Variants in CD180 observed in about 807,000 individuals in gnomAD.
CD180 encodes the protein CD180 molecule.
CD180 carries 11 observed loss-of-function variants against 10.7 expected under a neutral mutation model. The observed-to-expected ratio is 1.03, with a 90% CI of 0.65 to 1.70. The LOEUF is 1.70. CD180 is among the 40% of genes most tolerant of loss of function. CD180 has a pLI of 0.00. For missense variants in CD180, 729 were observed against 775.2 expected (o/e 0.94, Z 0.71); for synonymous variants, 286 against 294.6 (o/e 0.97, Z 0.30).
Position 67,183,572 on chromosome 5 carries a change from A to C in CD180, c.1271T>G (p.Leu424Arg). ...QAFKECPQLE[L>R]LDLAFTRLHI... ...TAAGCGGGTAAATGCCAAATCGAGG[A>C]GTTCTAGCTGAGGACATTCTTTGAA... The change falls in exon 3 of 3, where the codon CTC (leucine) becomes CGC (arginine). Residue 424 changes from leucine (L) to arginine (R), a missense_variant. Transcript: ENST00000256447. 1 of 1,614,178 alleles carries C rather than the reference A, an allele frequency of 6.2e-7. No individual in the cohort carries two copies. Among genetic ancestry groups the C allele is most frequent in the Non-Finnish European group, 8.5e-7 (1 of 1,180,024 alleles).
rs749225234 is a variant in CD180 at position 67,184,321 on chromosome 5, A to G, written c.522T>C (p.Asn174=). Residue 174 remains asparagine (N), a synonymous_variant, in exon 3 of 3, where the codon AAT becomes AAC. Coordinates refer to ENST00000256447, the MANE Select transcript of CD180 (RefSeq NM_005582.3). ...TATTCTGAAAATCCAGTACTTTCAGATTCCGTGCTGGGAAGTCTTTGGGGA... is the reference window on the plus strand; with the variant it reads ...TATTCTGAAAATCCAGTACTTTCAGGTTCCGTGCTGGGAAGTCTTTGGGGA... The part of the protein sequence containing the change: ...IKFPKDFPAR[N]LKVLDFQNNA... 6.2e-7 allele frequency: 1 copy of G among 1,614,172 alleles called. No individual in the cohort carries two copies. Among genetic ancestry groups the G allele is most frequent in the South Asian group, 1.1e-5 (1 of 91,086 alleles).
rs142324076 is a variant in CD180, at chr5:67,184,223, T to C, written c.620A>G (p.Asn207Ser). Residue 207 changes from asparagine (N) to serine (S), a missense_variant, in exon 3 of 3, where the codon AAT becomes AGT. By Grantham distance (46) the Asn-to-Ser change is conservative (BLOSUM62 1). Coordinates refer to ENST00000256447, the MANE Select transcript of CD180 (RefSeq NM_005582.3). ...CTCAATACCTTTAACATTATTGCCA[T>C]TGAAGTTCAGGCTTAGGTTGATGGC... Reference protein sequence around the residue: ...EQAINLSLNFNGNNVKGIELG... With the variant: ...EQAINLSLNFSGNNVKGIELG... 6.7e-4 allele frequency: 1,083 copies of C among 1,614,178 alleles called. 5 individuals are homozygous for C. In the East Asian group the frequency reaches 0.012, roughly 18 times the overall value.
At position 67,183,278 on chromosome 5, in the gene CD180, A is replaced by ATTT; in HGVS notation, c.1562_1564dup (p.Lys521dup). 6.2e-7 allele frequency: 1 copy of ATTT among 1,614,146 alleles called. No homozygotes were observed. Among genetic ancestry groups the ATTT allele is most frequent in the African/African-American group, 1.3e-5 (1 of 75,050 alleles). On this transcript the variant is annotated inframe_insertion, in exon 3 of 3. Transcript: ENST00000256447. Reference sequence around the variant, plus strand: ...GTTGTGGCTTAAGTCTACATGGCTCATTTTTCCCAAGCTGTGGAATGCTTG... The same window carrying ATTT: ...GTTGTGGCTTAAGTCTACATGGCTCATTTTTTTTCCCAAGCTGTGGAATGCTTG...
At chr5:67,188,146 G>T (rs1456533050) in intron 1 of CD180, among the ~76,000 whole-genome samples, 3 of 150,694 alleles carry the variant, frequency 2.0e-5, no homozygotes, top group East Asian at 1.9e-4. Flanking sequence ...CTCCAGCCTG[G>T]CCACAGAGTG....
In CD180 at chr5:67,179,974, A is replaced by C. The variant is rs1438878664; in HGVS notation, c.*2883T>G. On this transcript the variant is annotated 3_prime_UTR_variant, in exon 3 of 3. Coordinates refer to ENST00000256447, the MANE Select transcript of CD180 (RefSeq NM_005582.3). ...TCAGAGCAGCAACAACATGCAATAC[A>C]TAAAACCAATAAACACACCATGTTA... 3.3e-5 allele frequency: 5 copies of C among 152,276 alleles called. No homozygotes were observed. The highest frequency in any genetic ancestry group is 1.2e-4 in the African/African-American group (5 of 41,478). 9.4% of individuals were successfully genotyped at this position (152,276 alleles called of 1,614,324 possible). A position where few individuals can be genotyped will look rare whatever the true frequency, so the allele number is the denominator to read the frequency against.
rs891808763 is a variant in CD180, at chr5:67,183,170, A to G, written c.1673T>C (p.Ile558Thr). The change falls in exon 3 of 3, where the codon ATC (isoleucine) becomes ACC (threonine). Residue 558 changes from isoleucine to threonine, a missense_variant. Coordinates refer to ENST00000256447, the MANE Select transcript of CD180 (RefSeq NM_005582.3). ...CAAGATAGGGAGGAGACGGGGTGAGATGATGTTAATGCTGTTGGCAGCCAG... is the reference window on the plus strand; with the variant it reads ...CAAGATAGGGAGGAGACGGGGTGAGGTGATGTTAATGCTGTTGGCAGCCAG... ...LNLAANSINI[I>T]SPRLLPILSQ... 4 of 1,611,414 alleles carry G rather than the reference A, an allele frequency of 2.5e-6. No individual in the cohort carries two copies. The Admixed American group carries it at 5.0e-5, about 20-fold the overall frequency.
In CD180 at chr5:67,185,991, A is replaced by G; in HGVS notation, c.117T>C (p.Cys39=). 3.1e-6 allele frequency: 5 copies of G among 1,601,764 alleles called. No individual in the cohort carries two copies. The highest frequency in any genetic ancestry group is 4.3e-6 in the Non-Finnish European group (5 of 1,174,548). ...GGATTTCACTGAGACCTAAATTTTC[A>G]CAGTTATATGTTTTGTTGGCTTCTT... The part of the protein sequence containing the change: ...IEKEANKTYN[C]ENLGLSEIPD... The change falls in exon 2 of 3, where the codon TGT becomes TGC. Residue 39 remains cysteine, a synonymous_variant. Coordinates refer to ENST00000256447, the MANE Select transcript of CD180 (RefSeq NM_005582.3).
In CD180 at chr5:67,183,388, A is replaced by G; in HGVS notation, c.1455T>C (p.Thr485=). Residue 485 remains threonine (T), a synonymous_variant, in exon 3 of 3, where the codon ACT becomes ACC. Coordinates refer to ENST00000256447, the MANE Select transcript of CD180 (RefSeq NM_005582.3). ...TCTGAAGTAGGTTGGTCTTCGTGATAGTCCCATCTTGAAAGTGATTCCCTT... is the reference window on the plus strand; with the variant it reads ...TCTGAAGTAGGTTGGTCTTCGTGATGGTCCCATCTTGAAAGTGATTCCCTT... ...NLKGNHFQDG[T]ITKTNLLQTV... is the part of the protein sequence containing the mutation. The G allele has an allele frequency of 1.2e-6, 2 of 1,614,228 alleles. No homozygotes were observed. The highest frequency in any genetic ancestry group is 1.3e-5 in the African/African-American group (1 of 75,058).
At chr5:67,189,682 G>A (rs892758897) in intron 1 of CD180, among the ~76,000 whole-genome samples, 1 of 152,066 alleles carries the variant, frequency 6.6e-6, no homozygotes, top group African/African-American at 2.4e-5. Flanking sequence ...CGATGATAGA[G>A]GCACCAAAGC....
Position 67,183,178 on chromosome 5 carries a change from A to G in CD180, c.1665T>C (p.Ile555=), listed in dbSNP as rs145263618. ...GGAGGAGACGGGGTGAGATGATGTT[A>G]ATGCTGTTGGCAGCCAGATTGAGGT... ...GIYLNLAANS[I]NIISPRLLPI... Residue 555 remains isoleucine (I), a synonymous_variant, in exon 3 of 3, where the codon ATT becomes ATC. Coordinates refer to ENST00000256447, the MANE Select transcript of CD180 (RefSeq NM_005582.3). 1.2e-6 allele frequency: 2 copies of G among 1,611,498 alleles called. No homozygotes were observed. The highest frequency in any genetic ancestry group is 1.7e-6 in the Non-Finnish European group (2 of 1,178,210).
rs1282147324 is a variant in CD180 at position 67,182,126 on chromosome 5, GT to G, written c.*730del. 2 of 152,114 alleles carry G rather than the reference GT, an allele frequency of 1.3e-5. No individual in the cohort carries two copies. The highest frequency in any genetic ancestry group is 2.9e-5 in the Non-Finnish European group (2 of 68,028). The allele number at this position is 152,114 out of a possible 1,614,324, so 9.4% of individuals were successfully genotyped here. A position where few individuals can be genotyped will look rare whatever the true frequency, so the allele number is the denominator to read the frequency against. On this transcript the variant is annotated 3_prime_UTR_variant, in exon 3 of 3. Coordinates refer to ENST00000256447, the MANE Select transcript of CD180 (RefSeq NM_005582.3). ...CAGATAGGCAGAGAGAGCCTGCCTG[GT>G]TTCTGAACTGAGTGAGGCAAATGTG...
chr5:67,190,961 A>G (rs1742293350), intron 1 of CD180: 1 of 985,262 alleles, frequency 1.0e-6, no homozygotes, highest in Non-Finnish European at 1.2e-6. Context: ...TCTGCGCTTG[A>G]CACACGCAGC....
In CD180 at chr5:67,184,381, C is replaced by A. The variant is rs886697074; in HGVS notation, c.462G>T (p.Leu154Phe). The A allele has an allele frequency of 1.2e-6, 2 of 1,613,652 alleles. No individual in the cohort carries two copies. The highest frequency in any genetic ancestry group is 1.7e-6 in the Non-Finnish European group (2 of 1,179,668). Residue 154 changes from leucine (L) to phenylalanine (F), a missense_variant, in exon 3 of 3, where the codon TTG becomes TTT. Transcript: ENST00000256447. ...AGGAAATATGGTTGCTTCCAAGATA[C>A]AAGCTTTCCAAGTTTTCCAGATTGT... Reference protein sequence around the residue: ...PVHNLENLESLYLGSNHISSI... With the variant: ...PVHNLENLESFYLGSNHISSI...
In CD180 at chr5:67,182,204, C is replaced by T. The variant is rs1258880052; in HGVS notation, c.*653G>A. 1 of 152,148 alleles carries T rather than the reference C, an allele frequency of 6.6e-6. No homozygotes were observed. The highest frequency in any genetic ancestry group is 2.4e-5 in the African/African-American group (1 of 41,416). The allele number at this position is 152,148 out of a possible 1,614,324, so 9.4% of individuals were successfully genotyped here. ...GTTCTATTTTTTATAGCCATTCACA[C>T]CCTAGGGGCATTACAGAGACCTTAC... is the stretch of plus-strand genomic sequence containing the variant. On this transcript the variant is annotated 3_prime_UTR_variant, in exon 3 of 3. Coordinates refer to ENST00000256447, the MANE Select transcript of CD180 (RefSeq NM_005582.3).
At position 67,182,843 on chromosome 5, in the gene CD180, G is replaced by C. The variant is rs1742076098; in HGVS notation, c.*14C>G. 1 of 1,568,420 alleles carries C rather than the reference G, an allele frequency of 6.4e-7. No homozygotes were observed. The highest frequency in any genetic ancestry group is 8.6e-7 in the Non-Finnish European group (1 of 1,158,222). ...CTAAGCACACTTATTTGCTTTCTCTGGAAACCTTCAGCACTAAATGTGTTG... is the reference window on the plus strand; with the variant it reads ...CTAAGCACACTTATTTGCTTTCTCTCGAAACCTTCAGCACTAAATGTGTTG... On this transcript the variant is annotated 3_prime_UTR_variant, in exon 3 of 3. Coordinates refer to ENST00000256447, the MANE Select transcript of CD180 (RefSeq NM_005582.3).
At chr5:67,189,859 G>A (rs1229990820) in intron 1 of CD180, among the ~76,000 whole-genome samples, 2 of 152,042 alleles carry the variant, frequency 1.3e-5, no homozygotes, top group South Asian at 2.1e-4. Context: ...ATACACCAAT[G>A]TTTATATATC....
Position 67,184,444 on chromosome 5 carries a change from G to C in CD180, c.399C>G (p.Ile133Met). ...GPKSLKHLFLIQTGISNLEFI... is the reference protein window; with the variant it reads ...GPKSLKHLFLMQTGISNLEFI... ...ACTCGAGATTGGATATTCCCGTTTGGATTAAGAAAAGATGCTTCAGTGACT... is the reference window on the plus strand; with the variant it reads ...ACTCGAGATTGGATATTCCCGTTTGCATTAAGAAAAGATGCTTCAGTGACT... The change falls in exon 3 of 3, where the codon ATC (isoleucine) becomes ATG (methionine). Residue 133 changes from isoleucine (I) to methionine (M), a missense_variant. Ile to Met is a conservative substitution (Grantham distance 10). Transcript: ENST00000256447. 6.2e-7 allele frequency: 1 copy of C among 1,614,114 alleles called. No homozygotes were observed. Among genetic ancestry groups the C allele is most frequent in the Non-Finnish European group, 8.5e-7 (1 of 1,180,002 alleles).
In CD180 at chr5:67,182,130, C is replaced by A. The variant is rs1742059409; in HGVS notation, c.*727G>T. The A allele has an allele frequency of 6.6e-6, 1 of 152,098 alleles. No homozygotes were observed. The highest frequency in any genetic ancestry group is 1.5e-5 in the Non-Finnish European group (1 of 68,026). 9.4% of individuals were successfully genotyped at this position (152,098 alleles called of 1,614,324 possible). A position where few individuals can be genotyped will look rare whatever the true frequency, so the allele number is the denominator to read the frequency against. Reference sequence around the variant, plus strand: ...TAGGCAGAGAGAGCCTGCCTGGTTTCTGAACTGAGTGAGGCAAATGTGGAA... The same window carrying A: ...TAGGCAGAGAGAGCCTGCCTGGTTTATGAACTGAGTGAGGCAAATGTGGAA... On this transcript the variant is annotated 3_prime_UTR_variant, in exon 3 of 3. Coordinates refer to ENST00000256447, the MANE Select transcript of CD180 (RefSeq NM_005582.3).
intron 1 of CD180, 162 bp from the exon 2 acceptor site, chr5:67,186,179 T>C: frequency 2.2e-6 from 1 of 451,524 alleles, no homozygotes. Flanking sequence ...CATTGTTAAC[T>C]GTAGTACTTT....
Sources: allele counts gnomAD v4.1 joint callset (sites outside exome capture counted in the v4.1 genomes callset), GRCh38; gene constraint gnomAD v4.1.1; transcripts MANE v1.5; gene names NCBI Gene and HGNC (gene_info 2026-07-23, HGNC 2026-07-21).